The following ARMC2 variants were observed in gnomAD, a reference collection of about 807,000 sequenced individuals.
ARMC2 encodes the protein armadillo repeat-containing protein 2.
A neutral mutation model predicts 90.3 loss-of-function variants in ARMC2; 67 were observed. That is an observed-to-expected ratio of 0.74 (90% CI 0.61 to 0.91). The LOEUF is 0.91. Among genes scored for constraint, ARMC2 ranks in the 40% least tolerant of loss-of-function variants. The pLI, the probability that ARMC2 is intolerant of heterozygous loss-of-function variation, is 0.00. For missense variants in ARMC2, 920 were observed against 1,030.9 expected (o/e 0.89, Z 1.47); for synonymous variants, 393 against 393.0 (o/e 1.00, Z 0.00).
rs1778908298 is a variant in ARMC2, at chr6:108,973,643, T to C, written c.*129T>C. ...TTTTTCAAGAACTGGTTTTAGTGAG[T>C]AGCTGAAGTATTTTTTAAAATTAAG... On this transcript the variant is annotated 3_prime_UTR_variant, in exon 18 of 18. Coordinates refer to ENST00000392644, the MANE Select transcript of ARMC2 (RefSeq NM_032131.6). 1 of 862,712 alleles carries C rather than the reference T, an allele frequency of 1.2e-6. No individual in the cohort carries two copies. The highest frequency in any genetic ancestry group is 1.7e-6 in the Non-Finnish European group (1 of 582,050). 53.4% of individuals were successfully genotyped at this position (862,712 alleles called of 1,614,324 possible). A position where few individuals can be genotyped will look rare whatever the true frequency, so the allele number is the denominator to read the frequency against.
At position 108,912,348 on chromosome 6, in the gene ARMC2, G is replaced by A. The variant is rs528656837; in HGVS notation, c.1140G>A (p.Glu380=). The A allele has an allele frequency of 1.5e-5, 24 of 1,599,408 alleles. 1 individual carries two copies. The South Asian group carries it at 2.6e-4, about 17-fold the overall frequency. ...TCTTTTTGACAGAATCATTATTGGA[G>A]GTACTAAGAAGTGAAGACCTGCAAA... is the stretch of plus-strand genomic sequence containing the variant. ...QNDSILESLL[E]VLRSEDLQTN... Residue 380 remains glutamate (E), a synonymous_variant, in exon 10 of 18, where the codon GAG becomes GAA. Coordinates refer to ENST00000392644, the MANE Select transcript of ARMC2 (RefSeq NM_032131.6).
At chr6:108,904,491 T>C (rs1184127934) in intron 8 of ARMC2, 86 bp downstream of exon 8, 20 of 1,252,276 alleles carry the variant, frequency 1.6e-5, no homozygotes, top group Non-Finnish European at 2.2e-5. Flanking sequence ...ACAAAGAATA[T>C]TAGAAATGCA....
chr6:109,016,378 C>G, the ARMC2 span, among the ~76,000 whole-genome samples: 1 of 152,006 alleles, frequency 6.6e-6, no homozygotes, highest in Non-Finnish European at 1.5e-5. Flanking sequence ...TTCAAAGAAC[C>G]CCTACTCAGT....
intron 10 of ARMC2, among the ~76,000 whole-genome samples, chr6:108,925,256 T>TA: frequency 6.6e-6 from 1 of 152,294 alleles, no homozygotes; most frequent in East Asian, 1.9e-4. Flanking sequence ...AAAAAAATCT[T>TA]AAAATCTGTC....
chr6:108,990,918 C>A, the ARMC2 span: 1 of 1,228,378 alleles, frequency 8.1e-7, no homozygotes. Flanking sequence ...TGGTAAAAAT[C>A]ATTGTCATTT....
At chr6:108,994,562 C>T in the ARMC2 span, 1 of 1,613,352 alleles carries the variant, frequency 6.2e-7, no homozygotes, top group African/African-American at 1.3e-5. Context: ...CCTGTAACTG[C>T]CTCATCTTTT....
chr6:108,899,830 T>C (rs1340418291), intron 7 of ARMC2, 38 bp downstream of exon 7: 1 of 1,520,070 alleles, frequency 6.6e-7, no homozygotes, highest in Non-Finnish European at 9.0e-7. Context: ...CCGTTTTTGT[T>C]TTTTTTTTAA....
the ARMC2 span, among the ~76,000 whole-genome samples, chr6:109,046,239 A>C: frequency 1.4e-5 from 2 of 144,006 alleles, no homozygotes; most frequent in South Asian, 2.5e-4. Context: ...GATTGCAGGC[A>C]CGCGCCGCCA....
the ARMC2 span, among the ~76,000 whole-genome samples, chr6:109,017,277 C>T: frequency 1.3e-5 from 2 of 152,098 alleles, no homozygotes; most frequent in Non-Finnish European, 2.9e-5. Context: ...TAAATATTTA[C>T]TAAATGTCAA....
intron 3 of ARMC2, 42 bp downstream of exon 3, chr6:108,858,313 T>C: frequency 6.6e-7 from 1 of 1,510,086 alleles, no homozygotes; most frequent in Non-Finnish European, 9.1e-7. Context: ...TATTATGTTG[T>C]GAAATGAAAT....
At chr6:108,930,189 C>A (rs904565855) in intron 11 of ARMC2, among the ~76,000 whole-genome samples, 3 of 150,806 alleles carry the variant, frequency 2.0e-5, no homozygotes, top group African/African-American at 4.9e-5. Flanking sequence ...ACTTATTAAT[C>A]TTGCATTGAT....
chr6:108,968,352 GCT>G (rs1778519670), intron 17 of ARMC2, among the ~76,000 whole-genome samples: 1 of 152,144 alleles, frequency 6.6e-6, no homozygotes, highest in African/African-American at 2.4e-5. Flanking sequence ...TTTTCCAGCC[GCT>G]CCGTTACCTA....
Position 108,920,423 on chromosome 6 carries a change from T to C in ARMC2, c.1351-7665T>C, listed in dbSNP as rs559658776. 7.2e-5 allele frequency among the ~76,000 whole-genome samples: 11 copies of C among 152,272 alleles called. No individual in the cohort carries two copies. In the South Asian group the frequency reaches 2.1e-3, roughly 29 times the overall value. ...TGGGGCTTCCTTCCTATAAAAGAAT[T>C]GCCAGCAGCATAACTAACCACTCAC... On this transcript the variant is annotated intron_variant, in intron 10 of 17. Transcript: ENST00000392644.
At chr6:109,029,018 A>G in the ARMC2 span, among the ~76,000 whole-genome samples, 1,200 of 152,304 alleles carry the variant, frequency 7.9e-3, 21 homozygotes, top group African/African-American at 0.028. Flanking sequence ...TAAGTATAAA[A>G]TTCTTATAGC....
intron 13 of ARMC2, 50 bp downstream of exon 13, chr6:108,953,401 G>T: frequency 6.6e-7 from 1 of 1,523,422 alleles, no homozygotes. Context: ...ACTTTCCCGC[G>T]GCCCAAAGAC....
chr6:108,922,704 A>G lies in ARMC2; in HGVS notation c.1351-5384A>G, dbSNP rs555169265. ...AAAACTTTGAGGCTTACATAATTCA[A>G]TGTGAGCTGGGTAGCTTTGCCAAGT... On this transcript the variant is annotated intron_variant, in intron 10 of 17. Coordinates refer to ENST00000392644, the MANE Select transcript of ARMC2 (RefSeq NM_032131.6). Among the ~76,000 whole-genome samples the G allele has an allele frequency of 2.3e-4, 35 of 152,316 alleles. No individual in the cohort carries two copies. In the East Asian group the frequency reaches 3.1e-3, roughly 13 times the overall value.
intron 1 of ARMC2, among the ~76,000 whole-genome samples, chr6:108,851,676 C>T (rs1311091980): frequency 6.6e-6 from 1 of 151,994 alleles, no homozygotes; most frequent in East Asian, 1.9e-4. Flanking sequence ...CATGGTGGCT[C>T]ACACCTGTAA....
intron 11 of ARMC2, among the ~76,000 whole-genome samples, chr6:108,931,680 T>C (rs1328240031): frequency 6.6e-6 from 1 of 151,986 alleles, no homozygotes; most frequent in East Asian, 1.9e-4. Context: ...TATTTGTATT[T>C]CTCTATGATA....
chr6:108,900,682 G>A (rs1442544984), intron 7 of ARMC2, among the ~76,000 whole-genome samples: 1 of 152,174 alleles, frequency 6.6e-6, no homozygotes, highest in Non-Finnish European at 1.5e-5. Context: ...CCCCATTGGT[G>A]CTTGGCTGTG....
Sources: gnomAD v4.1 joint callset for allele counts (sites outside exome capture counted in the v4.1 genomes callset) on GRCh38, gnomAD v4.1.1 for gene constraint, MANE v1.5 for transcripts, NCBI Gene and HGNC (gene_info 2026-07-23, HGNC 2026-07-21) for gene names.